The following NT5C3A variants were observed in gnomAD, a reference collection of about 807,000 sequenced individuals.
NT5C3A encodes the protein cytosolic 5'-nucleotidase 3A.
NT5C3A carries 23 observed loss-of-function variants against 40.0 expected under a neutral mutation model. The observed-to-expected ratio is 0.58, with a 90% CI of 0.41 to 0.81. The LOEUF (loss-of-function observed/expected upper bound fraction) is 0.81. Ranked by LOEUF, NT5C3A falls within the 40% of genes least tolerant of loss-of-function variation. The pLI is 0.00. For missense variants in NT5C3A, 328 were observed against 403.0 expected (o/e 0.81, Z 1.59); for synonymous variants, 130 against 141.4 (o/e 0.92, Z 0.57).
At chr7:33,017,337 A>G in intron 7 of NT5C3A, 102 bp downstream of exon 7, 1 of 928,352 alleles carries the variant, frequency 1.1e-6, no homozygotes, top group Non-Finnish European at 1.6e-6. Context: ...GGCTTGGCCT[A>G]ATTTCTGGAT....
intron 1 of NT5C3A, among the ~76,000 whole-genome samples, chr7:33,056,354 T>G (rs12672785): frequency 0.35 from 52,726 of 150,950 alleles, 9,592 homozygotes; most frequent in East Asian, 0.42. Context: ...TTTAAAAGTC[T>G]GTCCAGGTAT....
chr7:33,035,189 GTTTTTTTTTT>G (rs35769309), intron 1 of NT5C3A, among the ~76,000 whole-genome samples: 2 of 106,204 alleles, frequency 1.9e-5, no homozygotes, highest in Non-Finnish European at 3.5e-5. Flanking sequence ...TAAGGAATGA[GTTTTTTTTTT>G]TTTTTTTTTT....
rs1420097012 is a variant in NT5C3A, at chr7:33,049,088, G to C, written c.138+13480C>G. On this transcript the variant is annotated intron_variant, in intron 1 of 8. Transcript: ENST00000610140. ...TCATCTCTTTTTCAATCTTAATCCA[G>C]GAAGGCACTTAGAATAGTATACTGT... 2.6e-5 allele frequency among the ~76,000 whole-genome samples: 4 copies of C among 152,116 alleles called. No individual in the cohort carries two copies. The East Asian group carries it at 7.7e-4, about 29-fold the overall frequency.
intron 5 of NT5C3A, among the ~76,000 whole-genome samples, chr7:33,020,564 T>G (rs948416799): frequency 6.6e-6 from 1 of 152,204 alleles, no homozygotes; most frequent in Non-Finnish European, 1.5e-5. Flanking sequence ...TTTCAACATT[T>G]AGTACCACAA....
intron 7 of NT5C3A, among the ~76,000 whole-genome samples, chr7:33,016,933 AG>A (rs1436465481): frequency 1.3e-5 from 2 of 152,242 alleles, no homozygotes; most frequent in East Asian, 3.9e-4. Context: ...CTGTAATCCC[AG>A]CACTTTGGGA....
intron 1 of NT5C3A, among the ~76,000 whole-genome samples, chr7:33,041,574 CTT>C (rs1316552380): frequency 6.6e-6 from 1 of 152,010 alleles, no homozygotes; most frequent in African/African-American, 2.4e-5. Flanking sequence ...TGTTAATAGT[CTT>C]TATCAAAGGG....
intron 1 of NT5C3A, among the ~76,000 whole-genome samples, chr7:33,040,354 G>A (rs952453437): frequency 1.3e-5 from 2 of 152,040 alleles, no homozygotes; most frequent in Non-Finnish European, 2.9e-5. Context: ...TTATAAATCA[G>A]TAATCTAGCT....
At chr7:33,046,461 C>T (rs1787160066) in intron 1 of NT5C3A, among the ~76,000 whole-genome samples, 2 of 151,998 alleles carry the variant, frequency 1.3e-5, no homozygotes, top group African/African-American at 2.4e-5. Flanking sequence ...ATCACTTCAG[C>T]CCAGAAGGTA....
At chr7:33,060,999 A>C (rs1787753273) in intron 1 of NT5C3A, among the ~76,000 whole-genome samples, 1 of 152,244 alleles carries the variant, frequency 6.6e-6, no homozygotes, top group African/African-American at 2.4e-5. Context: ...GGTATTCTAG[A>C]TAGGTCTTCA....
At chr7:33,044,652 C>A (rs1027457382) in intron 1 of NT5C3A, among the ~76,000 whole-genome samples, 1 of 152,100 alleles carries the variant, frequency 6.6e-6, no homozygotes, top group East Asian at 1.9e-4. Flanking sequence ...CCCCTTTTAA[C>A]GCTGAAACTG....
chr7:33,021,147 C>T, intron 5 of NT5C3A, 125 bp downstream of exon 5: 1 of 1,268,178 alleles, frequency 7.9e-7, no homozygotes, highest in Non-Finnish European at 1.1e-6. Context: ...TTATTCAATG[C>T]TCTAACTTGC....
chr7:33,019,588 A>G, intron 6 of NT5C3A, 47 bp downstream of exon 6: 1 of 1,091,540 alleles, frequency 9.2e-7, no homozygotes, highest in Non-Finnish European at 1.4e-6. Context: ...AATAGCAATA[A>G]TTCAAGTCTG....
intron 1 of NT5C3A, chr7:33,040,772 T>C: frequency 6.8e-6 from 3 of 439,538 alleles, no homozygotes; most frequent in Non-Finnish European, 9.1e-6. Context: ...CCTAAGTTTG[T>C]ATTTCAAAAT....
chr7:33,033,877 C>CATATATATATATATAT lies in NT5C3A; in HGVS notation c.139-6978_139-6963dup, dbSNP rs1554291562. Among the ~76,000 whole-genome samples, 284 of 125,928 alleles carry CATATATATATATATAT rather than the reference C, an allele frequency of 2.3e-3. 2 individuals are homozygous for CATATATATATATATAT. Among genetic ancestry groups the CATATATATATATATAT allele is most frequent in the African/African-American group, 7.9e-3 (251 of 31,694 alleles). The allele number at this position is 125,928 out of a possible 152,430, so 82.6% of individuals were successfully genotyped here. ...GCTATAAAGTTGTCAATATAAAAGACATATATATATATATATAATTTTTTT... is the reference window on the plus strand; with the variant it reads ...GCTATAAAGTTGTCAATATAAAAGACATATATATATATATATATATATATATATATATAATTTTTTT... On this transcript the variant is annotated intron_variant, in intron 1 of 8. Coordinates refer to ENST00000610140, the MANE Select transcript of NT5C3A (RefSeq NM_001002010.5).
intron 8 of NT5C3A, among the ~76,000 whole-genome samples, chr7:33,015,210 T>C (rs948039061): frequency 6.6e-6 from 1 of 152,138 alleles, no homozygotes. Flanking sequence ...CCAGTACCTA[T>C]AGCATGCATC....
chr7:33,035,571 T>C (rs1033789681), intron 1 of NT5C3A, among the ~76,000 whole-genome samples: 3 of 152,180 alleles, frequency 2.0e-5, no homozygotes, highest in Non-Finnish European at 4.4e-5. Flanking sequence ...TCTATTGTCA[T>C]GCAAGTAAGT....
intron 1 of NT5C3A, 89 bp from the exon 2 acceptor site, chr7:33,027,004 G>A: frequency 1.2e-6 from 1 of 811,574 alleles, no homozygotes; most frequent in Non-Finnish European, 2.0e-6. Flanking sequence ...CTTATTTAAA[G>A]ACATAAAAAT....
intron 8 of NT5C3A, among the ~76,000 whole-genome samples, chr7:33,015,151 T>G (rs976545895): frequency 5.3e-5 from 8 of 152,106 alleles, no homozygotes; most frequent in African/African-American, 1.9e-4. Context: ...CAGCATCTAG[T>G]GGGCAGAAGA....
At chr7:33,021,144 A>G (rs1785604364) in intron 5 of NT5C3A, 128 bp downstream of exon 5, 2 of 1,217,464 alleles carry the variant, frequency 1.6e-6, no homozygotes, top group Non-Finnish European at 2.3e-6. Context: ...TTGTTATTCA[A>G]TGCTCTAACT....
Sources: gnomAD v4.1 joint callset for allele counts (sites outside exome capture counted in the v4.1 genomes callset) on GRCh38, gnomAD v4.1.1 for gene constraint, MANE v1.5 for transcripts, NCBI Gene and HGNC (gene_info 2026-07-23, HGNC 2026-07-21) for gene names.